Variants in MAGI2 observed in about 807,000 individuals in gnomAD.
The protein encoded by MAGI2 is membrane-associated guanylate kinase, WW and PDZ domain-containing protein 2.
MAGI2 carries 35 observed loss-of-function variants against 133.3 expected under a neutral mutation model. That is an observed-to-expected ratio of 0.26 (90% confidence interval 0.20 to 0.35). The LOEUF is 0.35. MAGI2 is among the 10% of genes least tolerant of loss of function. The pLI is 1.00. For synonymous variants in MAGI2, 729 were observed against 710.6 expected (o/e 1.03, Z -0.41); for missense variants, 1,636 against 1,863.4 (o/e 0.88, Z 2.25).
chr7:78,875,538 T>G (rs1795351544), intron 2 of MAGI2, among the ~76,000 whole-genome samples: 1 of 152,218 alleles, frequency 6.6e-6, no homozygotes, highest in Non-Finnish European at 1.5e-5. Context: ...ATACCATGTG[T>G]AGACAAATAA....
intron 1 of MAGI2, among the ~76,000 whole-genome samples, chr7:79,088,589 G>C (rs1186013933): frequency 6.6e-6 from 1 of 152,030 alleles, no homozygotes. Context: ...TCTTGTGCTG[G>C]TTTTCAAAGA....
At chr7:78,963,562 C>A (rs77539604) in intron 2 of MAGI2, among the ~76,000 whole-genome samples, 4,013 of 151,908 alleles carry the variant, frequency 0.026, 177 homozygotes, top group African/African-American at 0.091. Flanking sequence ...AACATGTAAA[C>A]TGGGAGAGCT....
At chr7:79,364,892 T>C (rs1203149956) in intron 1 of MAGI2, among the ~76,000 whole-genome samples, 2 of 146,738 alleles carry the variant, frequency 1.4e-5, no homozygotes, top group Non-Finnish European at 3.0e-5. Flanking sequence ...AAAAATTAAT[T>C]AGACCTCATC....
chr7:78,055,871 G>A (rs1265274628), intron 21 of MAGI2, among the ~76,000 whole-genome samples: 1 of 152,156 alleles, frequency 6.6e-6, no homozygotes, highest in African/African-American at 2.4e-5. Flanking sequence ...AGGAAGGGGG[G>A]CAATCCTCTG....
At chr7:78,836,614 TG>T (rs1791637938) in intron 2 of MAGI2, among the ~76,000 whole-genome samples, 1 of 152,226 alleles carries the variant, frequency 6.6e-6, no homozygotes, top group Non-Finnish European at 1.5e-5. Context: ...TAACTTCTTT[TG>T]GAGAAATCAC....
chr7:79,201,241 G>C (rs1828585984), intron 1 of MAGI2, among the ~76,000 whole-genome samples: 1 of 152,050 alleles, frequency 6.6e-6, no homozygotes, highest in Admixed American at 6.5e-5. Flanking sequence ...ATTGAAGGTA[G>C]TGGACCAAAA....
chr7:78,793,805 T>C lies in MAGI2; in HGVS notation c.419-166566A>G, dbSNP rs867240850. Among the ~76,000 whole-genome samples, 22 of 152,342 alleles carry C rather than the reference T, an allele frequency of 1.4e-4. No homozygotes were observed. The South Asian group carries it at 3.7e-3, about 26-fold the overall frequency. The stretch of plus-strand genomic sequence containing the variant: ...TCAAAGAGTCTGTAAAGCCAAAAAC[T>C]GGAAACAGTACAGTTGCTTAGTTGG... On this transcript the variant is annotated intron_variant, in intron 2 of 21. Coordinates refer to ENST00000354212, the MANE Select transcript of MAGI2 (RefSeq NM_012301.4).
chr7:78,936,024 CCGTTA>C (rs1181455410), intron 2 of MAGI2, among the ~76,000 whole-genome samples: 5 of 152,032 alleles, frequency 3.3e-5, no homozygotes, highest in Non-Finnish European at 7.4e-5. Flanking sequence ...TTCATGTCTT[CCGTTA>C]CAAGTTTCCT....
intron 2 of MAGI2, among the ~76,000 whole-genome samples, chr7:78,921,450 T>G (rs1799216299): frequency 6.6e-6 from 1 of 152,150 alleles, no homozygotes; most frequent in Non-Finnish European, 1.5e-5. Context: ...AGTCTGCACT[T>G]TAAATACGGC....
intron 9 of MAGI2, among the ~76,000 whole-genome samples, chr7:78,275,829 G>C (rs1256263263): frequency 6.6e-6 from 1 of 152,186 alleles, no homozygotes; most frequent in Non-Finnish European, 1.5e-5. Flanking sequence ...AATATGGAGA[G>C]AGCAGTTAGC....
At chr7:78,073,015 A>G (rs891737462) in intron 21 of MAGI2, 2 of 398,588 alleles carry the variant, frequency 5.0e-6, no homozygotes, top group Admixed American at 4.4e-5. Flanking sequence ...TGCTATCTAC[A>G]TAGAGGCCAG....
chr7:78,047,418 G>T (rs75009133), intron 21 of MAGI2, among the ~76,000 whole-genome samples: 2 of 152,142 alleles, frequency 1.3e-5, no homozygotes, highest in African/African-American at 4.8e-5. Flanking sequence ...TTAGAAGGCC[G>T]CCGAGCCTTC....
rs149077315 is a variant in MAGI2 at position 78,030,550 on chromosome 7, C to T, written c.3707-10574G>A. ...GATTACAGGCATGAGCCACTGCACC[C>T]GGCCTGAATCCAATTATCGAATGGA... On this transcript the variant is annotated intron_variant, in intron 21 of 21. Transcript: ENST00000354212. Among the ~76,000 whole-genome samples the T allele has an allele frequency of 4.1e-3, 619 of 152,220 alleles. 2 individuals are homozygous for T. The highest frequency in any genetic ancestry group is 0.014 in the African/African-American group (584 of 41,540).
At chr7:78,139,556 C>T (rs1822529249) in intron 16 of MAGI2, among the ~76,000 whole-genome samples, 1 of 152,162 alleles carries the variant, frequency 6.6e-6, no homozygotes, top group Non-Finnish European at 1.5e-5. Context: ...TCATTAATTC[C>T]CTGAGAACTG....
intron 21 of MAGI2, among the ~76,000 whole-genome samples, chr7:78,050,800 T>A (rs143950108): frequency 6.6e-6 from 1 of 152,196 alleles, no homozygotes; most frequent in Non-Finnish European, 1.5e-5. Flanking sequence ...GAGGACTTTC[T>A]TAATGAAACA....
chr7:78,040,833 T>C (rs1218093904), intron 21 of MAGI2, among the ~76,000 whole-genome samples: 1 of 152,118 alleles, frequency 6.6e-6, no homozygotes, highest in Non-Finnish European at 1.5e-5. Context: ...TGACAACCAT[T>C]AAGGGGCTAA....
At chr7:78,807,735 T>C (rs1023508920) in intron 2 of MAGI2, among the ~76,000 whole-genome samples, 1 of 152,166 alleles carries the variant, frequency 6.6e-6, no homozygotes, top group African/African-American at 2.4e-5. Flanking sequence ...GAAAATAAAA[T>C]ATAAATTACT....
chr7:78,088,549 A>G (rs576309752), intron 20 of MAGI2, among the ~76,000 whole-genome samples: 2 of 152,356 alleles, frequency 1.3e-5, no homozygotes, highest in East Asian at 3.9e-4. Context: ...CTGTTGAGGC[A>G]ATGAAGGATA....
At chr7:78,818,420 T>A (rs1458469358) in intron 2 of MAGI2, among the ~76,000 whole-genome samples, 1 of 152,208 alleles carries the variant, frequency 6.6e-6, no homozygotes, top group Non-Finnish European at 1.5e-5. Flanking sequence ...CTGCCAAACA[T>A]GGCTGCCTAA....
Sources: gnomAD v4.1 joint callset for allele counts (sites outside exome capture counted in the v4.1 genomes callset) on GRCh38, gnomAD v4.1.1 for gene constraint, MANE v1.5 for transcripts, NCBI Gene and HGNC (gene_info 2026-07-23, HGNC 2026-07-21) for gene names.